The following SLC2A3 variants were observed in gnomAD, a reference collection of about 807,000 sequenced individuals.
SLC2A3 encodes the protein solute carrier family 2 member 3.
SLC2A3 carries 21 observed loss-of-function variants against 46.4 expected under a neutral mutation model. The ratio of observed to expected loss-of-function variants is 0.45; its 90% CI spans 0.32 to 0.65. The LOEUF (loss-of-function observed/expected upper bound fraction) is 0.65, where lower values mean the gene tolerates loss of function less well. Ranked by LOEUF, SLC2A3 falls within the 30% of genes least tolerant of loss-of-function variation. The pLI is 0.04. For synonymous variants in SLC2A3, 213 were observed against 239.4 expected (o/e 0.89, Z 1.02); for missense variants, 499 against 623.3 (o/e 0.80, Z 2.12).
intron 6 of SLC2A3, 51 bp downstream of exon 6, chr12:7,929,632 AT>A: frequency 6.3e-7 from 1 of 1,598,110 alleles, no homozygotes; most frequent in South Asian, 1.1e-5. Context: ...CATGCCCGGC[AT>A]TTTAAGTGAA....
Position 7,930,405 on chromosome 12 carries a change from G to C in SLC2A3, c.673+75C>G. 3.6e-6 allele frequency: 5 copies of C among 1,393,262 alleles called. No homozygotes were observed. The South Asian group carries it at 6.4e-5, about 18-fold the overall frequency. 86.3% of individuals were successfully genotyped at this position (1,393,262 alleles called of 1,614,324 possible). A position where few individuals can be genotyped will look rare whatever the true frequency, so the allele number is the denominator to read the frequency against. On this transcript the variant is annotated intron_variant, in intron 5 of 9. Coordinates refer to ENST00000075120, the MANE Select transcript of SLC2A3 (RefSeq NM_006931.3). The stretch of plus-strand genomic sequence containing the variant: ...AGGCAGGGAAAGAGTGTAACAGAAA[G>C]TAGGTCCAGTACAATCATCCCTAAA...
At position 7,922,006 on chromosome 12, in the gene SLC2A3, A is replaced by G. The variant is rs763404742; in HGVS notation, c.1273-375T>C. Among the ~76,000 whole-genome samples, 64 of 151,720 alleles carry G rather than the reference A, an allele frequency of 4.2e-4. 1 individual carries two copies. Among genetic ancestry groups the G allele is most frequent in the Middle Eastern group, 3.4e-3 (1 of 290 alleles). On this transcript the variant is annotated intron_variant, in intron 9 of 9. Transcript: ENST00000075120. Reference sequence around the variant, plus strand: ...CCAGCAGTTTGAGACTAACCTGGGCAACTCCATCTCTATTTATGAATTTTT... The same window carrying G: ...CCAGCAGTTTGAGACTAACCTGGGCGACTCCATCTCTATTTATGAATTTTT...
chr12:7,927,764 G>C (rs1693153514), intron 6 of SLC2A3, among the ~76,000 whole-genome samples: 1 of 152,006 alleles, frequency 6.6e-6, no homozygotes, highest in South Asian at 2.1e-4. Flanking sequence ...ACTAAATTGG[G>C]AGCCAGCTTA....
intron 8 of SLC2A3, 121 bp from the exon 9 acceptor site, chr12:7,923,145 G>A (rs1317160755): frequency 4.2e-6 from 4 of 958,318 alleles, no homozygotes; most frequent in East Asian, 5.3e-5. Context: ...AAGAGTGGCT[G>A]TGGAGTCAAA....
At position 7,921,181 on chromosome 12, in the gene SLC2A3, T is replaced by C. The variant is rs940927970; in HGVS notation, c.*232A>G. On this transcript the variant is annotated 3_prime_UTR_variant, in exon 10 of 10. Coordinates refer to ENST00000075120, the MANE Select transcript of SLC2A3 (RefSeq NM_006931.3). ...CGGCCAATCCCTCCTGAAATGAAGG[T>C]AGGTTCACTCGGTCTCTCCTAAGCA... is the stretch of plus-strand genomic sequence containing the variant. 10 of 884,152 alleles carry C rather than the reference T, an allele frequency of 1.1e-5. No homozygotes were observed. In the African/African-American group the frequency reaches 1.5e-4, roughly 13 times the overall value. The allele number at this position is 884,152 out of a possible 1,614,324, so 54.8% of individuals were successfully genotyped here.
At position 7,929,562 on chromosome 12, in the gene SLC2A3, T is replaced by G. The variant is rs112237103; in HGVS notation, c.861+122A>C. On this transcript the variant is annotated intron_variant, in intron 6 of 9. Coordinates refer to ENST00000075120, the MANE Select transcript of SLC2A3 (RefSeq NM_006931.3). The stretch of plus-strand genomic sequence containing the variant: ...TCACTGCAACCTGAAACTCCTGAGC[T>G]CAAGTGATCCTCTTACCTCAGCCTC... The G allele has an allele frequency of 8.2e-4, 1,160 of 1,418,886 alleles. 3 individuals are homozygous for G. Among genetic ancestry groups the G allele is most frequent in the Non-Finnish European group, 9.5e-4 (1,005 of 1,056,108 alleles). 87.9% of individuals were successfully genotyped at this position (1,418,886 alleles called of 1,614,324 possible). A position where few individuals can be genotyped will look rare whatever the true frequency, so the allele number is the denominator to read the frequency against.
Position 7,930,153 on chromosome 12 carries a change from T to A in SLC2A3, c.674-282A>T, listed in dbSNP as rs190574734. The A allele has an allele frequency of 4.3e-3, 2,514 of 588,008 alleles. 14 individuals carry two copies. The highest frequency in any genetic ancestry group is 7.3e-3 in the Admixed American group (217 of 29,608). The allele number at this position is 588,008 out of a possible 1,614,324, so 36.4% of individuals were successfully genotyped here. Reference sequence around the variant, plus strand: ...GGCATGCGCCCCCATGCCCGGCTAATTTTGTATTTTTAGTAGAGACAGGGT... The same window carrying A: ...GGCATGCGCCCCCATGCCCGGCTAAATTTGTATTTTTAGTAGAGACAGGGT... On this transcript the variant is annotated intron_variant, in intron 5 of 9. Coordinates refer to ENST00000075120, the MANE Select transcript of SLC2A3 (RefSeq NM_006931.3).
intron 6 of SLC2A3, among the ~76,000 whole-genome samples, chr12:7,926,544 T>A (rs1014349384): frequency 2.0e-5 from 3 of 152,168 alleles, no homozygotes; most frequent in African/African-American, 4.8e-5. Context: ...TTCTTTTTTA[T>A]AAGTTGAGAC....
In SLC2A3 at chr12:7,933,086, A is replaced by G; in HGVS notation, c.170T>C (p.Val57Ala). The part of the protein sequence containing the change: ...TDKGNAPPSE[V>A]LLTSLWSLSV... ...CAAGGACCAGAGAGACGTGAGCAGC[A>G]CCTCAGAGGGTGGGGCATTTCCCTT... The change falls in exon 3 of 10, where the codon GTG (valine) becomes GCG (alanine). Residue 57 changes from valine to alanine, a missense_variant. Around this residue, in one of 5 missense-constraint regions of SLC2A3, gnomAD observed 248 missense variants for 284.0 expected, o/e 0.87. Transcript: ENST00000075120. The G allele has an allele frequency of 6.2e-7, 1 of 1,614,122 alleles. No individual in the cohort carries two copies. Among genetic ancestry groups the G allele is most frequent in the South Asian group, 1.1e-5 (1 of 91,082 alleles).
chr12:7,932,956 C>T (rs774574984), intron 3 of SLC2A3, 31 bp downstream of exon 3: 91 of 1,611,816 alleles, frequency 5.6e-5, no homozygotes, highest in Middle Eastern at 3.6e-4. Context: ...GCTGGTAGAG[C>T]CCACTTCCTT....
chr12:7,935,056 C>T (rs1946198157), intron 1 of SLC2A3, among the ~76,000 whole-genome samples: 1 of 152,102 alleles, frequency 6.6e-6, no homozygotes. Flanking sequence ...TCTCAAACTC[C>T]AGGCCTCATG....
At chr12:7,929,919 C>T (rs781731264) in intron 5 of SLC2A3, 48 bp from the exon 6 acceptor site, 86 of 1,612,186 alleles carry the variant, frequency 5.3e-5, no homozygotes, top group Non-Finnish European at 6.8e-5. Context: ...TGTGCTGCCC[C>T]AAATTCATTC....
intron 2 of SLC2A3, 100 bp from the exon 3 acceptor site, chr12:7,933,247 A>C: frequency 7.8e-7 from 1 of 1,288,790 alleles, no homozygotes; most frequent in Non-Finnish European, 1.1e-6. Context: ...AATCAAGGGA[A>C]TAAATAGACA....
chr12:7,930,205 T>G, intron 5 of SLC2A3: 2 of 515,752 alleles, frequency 3.9e-6, no homozygotes, highest in South Asian at 5.0e-5. Flanking sequence ...AGGCAGGTCT[T>G]GAACTCCTGA....
rs1436153060 is a variant in SLC2A3, at chr12:7,923,019, G to GT, written c.1073dup (p.Asn358LysfsTer3). ...TACAGACAAAGCTCATCCCATTATA[G>GT]TTATCCTGTAAGAGCAAGGAACAGA... On this transcript the variant is annotated frameshift_variant, in exon 9 of 10. Coordinates refer to ENST00000075120, the MANE Select transcript of SLC2A3 (RefSeq NM_006931.3). LOFTEE classifies it high-confidence loss of function. 6.2e-7 allele frequency: 1 copy of GT among 1,612,784 alleles called. No homozygotes were observed. Among genetic ancestry groups the GT allele is most frequent in the East Asian group, 2.2e-5 (1 of 44,878 alleles).
chr12:7,931,695 T>A (rs917614083), intron 3 of SLC2A3, among the ~76,000 whole-genome samples: 1 of 151,806 alleles, frequency 6.6e-6, no homozygotes, highest in Non-Finnish European at 1.5e-5. Context: ...CTCAGGGAGC[T>A]GAGGTCGGAG....
intron 8 of SLC2A3, 160 bp from the exon 9 acceptor site, chr12:7,923,184 T>C: frequency 1.3e-6 from 1 of 758,800 alleles, no homozygotes; most frequent in Non-Finnish European, 2.1e-6. Flanking sequence ...ATTTTTATTT[T>C]TTGAGACAGG....
At chr12:7,922,546 C>T (rs1396556113) in intron 9 of SLC2A3, among the ~76,000 whole-genome samples, 1 of 152,112 alleles carries the variant, frequency 6.6e-6, no homozygotes, top group Non-Finnish European at 1.5e-5. Flanking sequence ...GCTGCAACCT[C>T]CACCTCCCAG....
At chr12:7,930,233 C>G in intron 5 of SLC2A3, 1 of 510,112 alleles carries the variant, frequency 2.0e-6, no homozygotes, top group East Asian at 3.8e-5. Context: ...TGACCCGCCT[C>G]GGCCTCTTAT....
Sources: allele counts gnomAD v4.1 joint callset (sites outside exome capture counted in the v4.1 genomes callset), GRCh38; gene constraint gnomAD v4.1.1; regional missense constraint gnomAD v4.1.1; transcripts MANE v1.5; gene names NCBI Gene and HGNC (gene_info 2026-07-23, HGNC 2026-07-21).